Variants in TET2 observed in about 807,000 individuals in gnomAD.
TET2 encodes methylcytosine dioxygenase TET2.
Under a neutral mutation model 142.9 loss-of-function variants are expected in TET2, and 299 were observed. The observed-to-expected ratio is 2.09, with a 90% CI of 1.90 to 2.30. The LOEUF (loss-of-function observed/expected upper bound fraction) is 2.30. Ranked by LOEUF, TET2 falls within the 30% of genes most tolerant of loss-of-function variation. The pLI, the probability that TET2 is intolerant of heterozygous loss-of-function variation, is 0.00. For missense variants in TET2, 2,418 were observed against 2,378.0 expected (o/e 1.02, Z -0.35); for synonymous variants, 819 against 849.0 (o/e 0.96, Z 0.61).
At chr4:105,244,610 T>TTTTTTTTTTTTTA in intron 6 of TET2, among the ~76,000 whole-genome samples, 1 of 130,226 alleles carries the variant, frequency 7.7e-6, no homozygotes, top group Non-Finnish European at 1.7e-5. Flanking sequence ...TTTTTTTTTT[T>TTTTTTTTTTTTTA]TTGAGATGGA....
intron 3 of TET2, chr4:105,240,225 A>T (rs185254448): frequency 2.3e-6 from 1 of 425,912 alleles, no homozygotes; most frequent in Non-Finnish European, 3.5e-6. Context: ...TGATAGACAT[A>T]CTTAACACGT....
chr4:105,233,847 TAGA>T (rs1728656875), intron 2 of TET2, 47 bp from the exon 3 acceptor site: 2 of 924,460 alleles, frequency 2.2e-6, no homozygotes, highest in East Asian at 5.4e-5. Flanking sequence ...GATAGATAGA[TAGA>T]TAGATAGAAA....
intron 1 of TET2, among the ~76,000 whole-genome samples, chr4:105,171,011 G>A (rs896095225): frequency 1.3e-5 from 2 of 152,088 alleles, no homozygotes; most frequent in Non-Finnish European, 2.9e-5. Context: ...CTGCTATCAT[G>A]ATGAGAAAAT....
rs1415632798 is a variant in TET2, at chr4:105,243,690, T to A, written c.3715T>A (p.Ser1239Thr). 6.4e-7 allele frequency: 1 copy of A among 1,551,546 alleles called. No individual in the cohort carries two copies. Among genetic ancestry groups the A allele is most frequent in the Admixed American group, 2.0e-5 (1 of 50,988 alleles). ...LILVWEGIPL[S>T]LADKLYSELT... ...CCTGGTGTGGGAAGGAATCCCGCTG[T>A]CTCTGGCTGACAAACTCTACTCGGA... Residue 1239 changes from serine (S) to threonine (T), a missense_variant, in exon 6 of 11, where the codon TCT becomes ACT. Transcript: ENST00000380013.
rs188488938 is a variant in TET2, at chr4:105,275,997, A to G, written c.5487A>G (p.Pro1829=). Reference sequence around the variant, plus strand: ...ATGCTAATGGTCAGGAAAAGCAGCCATTGGCACTAGTCCAGGGTGTGGCTT... The same window carrying G: ...ATGCTAATGGTCAGGAAAAGCAGCCGTTGGCACTAGTCCAGGGTGTGGCTT... ...LSDANGQEKQ[P]LALVQGVASG... Residue 1829 remains proline, a synonymous_variant, in exon 11 of 11, where the codon CCA becomes CCG. Coordinates refer to ENST00000380013, the MANE Select transcript of TET2 (RefSeq NM_001127208.3). 8 of 1,551,750 alleles carry G rather than the reference A, an allele frequency of 5.2e-6. No homozygotes were observed. In the Admixed American group the frequency reaches 1.6e-4, roughly 30 times the overall value.
chr4:105,260,573 A>G (rs749757227), intron 7 of TET2, among the ~76,000 whole-genome samples: 2 of 152,162 alleles, frequency 1.3e-5, no homozygotes, highest in Non-Finnish European at 2.9e-5. Flanking sequence ...CAGTCATTCT[A>G]TACACTTACA....
intron 6 of TET2, among the ~76,000 whole-genome samples, chr4:105,251,128 C>CG (rs1243028678): frequency 2.0e-5 from 3 of 152,024 alleles, no homozygotes; most frequent in Non-Finnish European, 4.4e-5. Context: ...TTAGCACTAA[C>CG]TTTTTTTGGT....
intron 1 of TET2, among the ~76,000 whole-genome samples, chr4:105,189,679 G>T (rs767930732): frequency 8.6e-5 from 13 of 151,972 alleles, no homozygotes; most frequent in Non-Finnish European, 1.5e-4. Context: ...CTACATCTTT[G>T]ACCAATTAAG....
rs1731180789 is a variant in TET2 at position 105,275,683 on chromosome 4, C to T, written c.5173C>T (p.Pro1725Ser). Residue 1725 changes from proline (P) to serine (S), a missense_variant, in exon 11 of 11, where the codon CCC becomes TCC. Transcript: ENST00000380013. ...TCATGTAGGGAAATTGCCTCCTTAT[C>T]CCACTCATGAGATGGATGGCCACTT... The part of the protein sequence containing the change: ...VHHVGKLPPY[P>S]THEMDGHFMG... 6.4e-7 allele frequency: 1 copy of T among 1,551,838 alleles called. No homozygotes were observed. The highest frequency in any genetic ancestry group is 8.7e-7 in the Non-Finnish European group (1 of 1,147,000).
At chr4:105,260,459 A>C (rs1217134042) in intron 7 of TET2, among the ~76,000 whole-genome samples, 6 of 151,526 alleles carry the variant, frequency 4.0e-5, no homozygotes, top group Admixed American at 1.3e-4. Context: ...ACCCATCCTA[A>C]AGTAAAAAAA....
intron 2 of TET2, among the ~76,000 whole-genome samples, chr4:105,207,752 C>T (rs977864898): frequency 1.3e-5 from 2 of 152,146 alleles, no homozygotes; most frequent in Admixed American, 6.5e-5. Context: ...CTTTATCACT[C>T]TTCTGATTTA....
Position 105,235,138 on chromosome 4 carries a change from C to G in TET2, c.1196C>G (p.Pro399Arg). 6.2e-7 allele frequency: 1 copy of G among 1,613,872 alleles called. No homozygotes were observed. Among genetic ancestry groups the G allele is most frequent in the Non-Finnish European group, 8.5e-7 (1 of 1,179,884 alleles). ...KDSFSATTTP[P>R]PPSQLLLSPP... ...TCCTTTTCTGCCACTACCACACCAC[C>G]ACCACCATCACAATTGCTTCTTTCT... is the stretch of plus-strand genomic sequence containing the variant. Residue 399 changes from proline to arginine, a missense_variant, in exon 3 of 11, where the codon CCA (proline) becomes CGA (arginine). Transcript: ENST00000380013.
intron 2 of TET2, among the ~76,000 whole-genome samples, chr4:105,229,163 A>G (rs1455631930): frequency 6.6e-6 from 1 of 152,158 alleles, no homozygotes; most frequent in Non-Finnish European, 1.5e-5. Flanking sequence ...CCACATCTCA[A>G]TTTGGACTAG....
intron 2 of TET2, among the ~76,000 whole-genome samples, chr4:105,207,089 T>G (rs1726869650): frequency 6.6e-6 from 1 of 152,150 alleles, no homozygotes; most frequent in South Asian, 2.1e-4. Context: ...CATTAATATA[T>G]GGAAATGTAT....
chr4:105,168,498 C>CT (rs1157141347), intron 1 of TET2, among the ~76,000 whole-genome samples: 2 of 152,000 alleles, frequency 1.3e-5, no homozygotes, highest in African/African-American at 4.8e-5. Flanking sequence ...TTGAGTGTTA[C>CT]TTTTTCAGAG....
chr4:105,260,193 G>T (rs1292449095), intron 7 of TET2, among the ~76,000 whole-genome samples: 1 of 152,012 alleles, frequency 6.6e-6, no homozygotes, highest in Non-Finnish European at 1.5e-5. Flanking sequence ...TCACTGTAAT[G>T]AATGCATTTA....
At chr4:105,238,514 C>G in intron 3 of TET2, 1 of 246,230 alleles carries the variant, frequency 4.1e-6, no homozygotes, top group Non-Finnish European at 8.5e-6. Flanking sequence ...GTCATTTCAG[C>G]AGTTTACAGC....
chr4:105,262,528 A>G (rs1185112857), intron 8 of TET2, among the ~76,000 whole-genome samples: 1 of 152,146 alleles, frequency 6.6e-6, no homozygotes, highest in Non-Finnish European at 1.5e-5. Flanking sequence ...TACAAACTAA[A>G]CACTGTGTTT....
rs145579357 is a variant in TET2 at position 105,205,240 on chromosome 4, A to G, written c.-47+14735A>G. Among the ~76,000 whole-genome samples, 459 of 152,306 alleles carry G rather than the reference A, an allele frequency of 3.0e-3. 5 individuals are homozygous for G. Among genetic ancestry groups the G allele is most frequent in the African/African-American group, 7.3e-3 (302 of 41,576 alleles). On this transcript the variant is annotated intron_variant, in intron 2 of 10. Transcript: ENST00000380013. The stretch of plus-strand genomic sequence containing the variant: ...CTTGACTAGCTTTATTATTTGCAGT[A>G]TTCTGTTTTTTACTTGTTCTAATAC...
Sources: gnomAD v4.1 joint callset for allele counts (sites outside exome capture counted in the v4.1 genomes callset) on GRCh38, gnomAD v4.1.1 for gene constraint, MANE v1.5 for transcripts, NCBI Gene and HGNC (gene_info 2026-07-23, HGNC 2026-07-21) for gene names.